XKR4: variants seen among roughly 807,000 people sequenced by gnomAD.
The protein encoded by XKR4 is XK related 4.
XKR4 carries 12 observed loss-of-function variants against 53.9 expected under a neutral mutation model. That is an observed-to-expected ratio of 0.22 (90% CI 0.14 to 0.36). The LOEUF (loss-of-function observed/expected upper bound fraction) is 0.36, where lower values mean the gene tolerates loss of function less well. XKR4 is among the 10% of genes least tolerant of loss of function. The pLI is 1.00. For missense variants in XKR4, 799 were observed against 859.5 expected, an observed-to-expected ratio of 0.93 and a Z score of 0.88; for synonymous variants, 354 against 362.4, an observed-to-expected ratio of 0.98 and a Z score of 0.26.
chr8:55,127,856 T>A lies in XKR4; in HGVS notation c.806+24562T>A, dbSNP rs191604246. ...TTTGGTTTTCTGTCCTTGCGATAGT[T>A]TGCTGAGAATGATGGTTTCCAGTTA... On this transcript the variant is annotated intron_variant, in intron 1 of 2. Transcript: ENST00000327381. 3.3e-5 allele frequency among the ~76,000 whole-genome samples: 5 copies of A among 152,042 alleles called. No homozygotes were observed. In the East Asian group the frequency reaches 9.7e-4, roughly 30 times the overall value.
intron 1 of XKR4, among the ~76,000 whole-genome samples, chr8:55,304,888 A>T (rs1291259653): frequency 6.6e-6 from 1 of 151,880 alleles, no homozygotes; most frequent in African/African-American, 2.4e-5. Flanking sequence ...GCCTATGTGC[A>T]GACACTTTAT....
rs74955010 is a variant in XKR4, at chr8:55,239,642, T to C, written c.807-118036T>C. Among the ~76,000 whole-genome samples, 1,439 of 152,328 alleles carry C rather than the reference T, an allele frequency of 9.4e-3. 17 individuals carry two copies. Among genetic ancestry groups the C allele is most frequent in the Middle Eastern group, 0.031 (9 of 294 alleles). On this transcript the variant is annotated intron_variant, in intron 1 of 2. Coordinates refer to ENST00000327381, the MANE Select transcript of XKR4 (RefSeq NM_052898.2). ...TTCTTCTAATATTCTGCCCTGTAAC[T>C]GTTCTCATGTGAGGTGTTCCCATTC...
chr8:55,134,309 T>C (rs968227179), intron 1 of XKR4, among the ~76,000 whole-genome samples: 2 of 152,240 alleles, frequency 1.3e-5, no homozygotes, highest in Non-Finnish European at 2.9e-5. Context: ...AAAAAATATT[T>C]ATGTGATTAT....
At chr8:55,404,130 T>G (rs1477642860) in intron 2 of XKR4, among the ~76,000 whole-genome samples, 1 of 152,202 alleles carries the variant, frequency 6.6e-6, no homozygotes, top group East Asian at 1.9e-4. Context: ...TGCAGCATCC[T>G]CAGAGTATTC....
chr8:55,535,273 C>T lies in XKR4; in HGVS notation c.*11046C>T, dbSNP rs1040063498. 1.3e-5 allele frequency: 2 copies of T among 150,858 alleles called. No individual in the cohort carries two copies. Among genetic ancestry groups the T allele is most frequent in the Non-Finnish European group, 2.9e-5 (2 of 67,844 alleles). 9.3% of individuals were successfully genotyped at this position (150,858 alleles called of 1,614,324 possible). ...TAAGTTTTAGGGTACATGTGCACAA[C>T]GTGCAGGTTTGTTACATATGTATAC... On this transcript the variant is annotated 3_prime_UTR_variant, in exon 3 of 3. Transcript: ENST00000327381.
rs137960311 is a variant in XKR4 at position 55,535,417 on chromosome 8, C to A, written c.*11190C>A. On this transcript the variant is annotated 3_prime_UTR_variant, in exon 3 of 3. Coordinates refer to ENST00000327381, the MANE Select transcript of XKR4 (RefSeq NM_052898.2). Reference sequence around the variant, plus strand: ...ACACTCCCCGGTGTGTGATGTTCCCCTTCCTGTGCACGTGACTTATTTTCA... The same window carrying A: ...ACACTCCCCGGTGTGTGATGTTCCCATTCCTGTGCACGTGACTTATTTTCA... The A allele has an allele frequency of 7.1e-6, 1 of 141,736 alleles. No homozygotes were observed. The highest frequency in any genetic ancestry group is 2.6e-5 in the African/African-American group (1 of 38,658). The allele number at this position is 141,736 out of a possible 1,614,324, so 8.8% of individuals were successfully genotyped here.
At chr8:55,439,763 G>GA (rs1182319728) in intron 2 of XKR4, among the ~76,000 whole-genome samples, 1 of 152,006 alleles carries the variant, frequency 6.6e-6, no homozygotes, top group African/African-American at 2.4e-5. Context: ...TGTACTTCCA[G>GA]AAAAATAAAA....
rs1270197528 is a variant in XKR4 at position 55,526,683 on chromosome 8, A to G, written c.*2456A>G. On this transcript the variant is annotated 3_prime_UTR_variant, in exon 3 of 3. Transcript: ENST00000327381. ...GTACCTTTGATTCTATGAGTAAATC[A>G]CAGATTACAGTCTAATAGAGTCAAT... is the stretch of plus-strand genomic sequence containing the variant. 6.6e-6 allele frequency: 1 copy of G among 152,240 alleles called. No homozygotes were observed. Among genetic ancestry groups the G allele is most frequent in the African/African-American group, 2.4e-5 (1 of 41,474 alleles). 9.4% of individuals were successfully genotyped at this position (152,240 alleles called of 1,614,324 possible). A position where few individuals can be genotyped will look rare whatever the true frequency, so the allele number is the denominator to read the frequency against.
chr8:55,451,675 A>C, intron 2 of XKR4: 1 of 1,545,120 alleles, frequency 6.5e-7, no homozygotes. Context: ...GGGCACGATC[A>C]GCAGCCCCGG....
intron 1 of XKR4, among the ~76,000 whole-genome samples, chr8:55,344,635 A>G (rs1396281603): frequency 6.6e-6 from 1 of 152,210 alleles, no homozygotes; most frequent in Non-Finnish European, 1.5e-5. Flanking sequence ...GGAGCTCTAC[A>G]GAAGAATAAT....
In XKR4 at chr8:55,529,566, A is replaced by G. The variant is rs1334385366; in HGVS notation, c.*5339A>G. 6.6e-6 allele frequency: 1 copy of G among 152,174 alleles called. No homozygotes were observed. Among genetic ancestry groups the G allele is most frequent in the East Asian group, 1.9e-4 (1 of 5,186 alleles). 9.4% of individuals were successfully genotyped at this position (152,174 alleles called of 1,614,324 possible). A position where few individuals can be genotyped will look rare whatever the true frequency, so the allele number is the denominator to read the frequency against. ...CACTGCCATCTGTGAGTTAAGCATC[A>G]TTTACAGATGACAAAATCTGTAAAT... On this transcript the variant is annotated 3_prime_UTR_variant, in exon 3 of 3. Transcript: ENST00000327381.
At chr8:55,350,363 T>C (rs1803708231) in intron 1 of XKR4, among the ~76,000 whole-genome samples, 1 of 152,164 alleles carries the variant, frequency 6.6e-6, no homozygotes, top group Non-Finnish European at 1.5e-5. Context: ...TAATCTAGAA[T>C]ATTTTCCTGT....
chr8:55,290,574 C>T (rs1819004743), intron 1 of XKR4, among the ~76,000 whole-genome samples: 1 of 152,118 alleles, frequency 6.6e-6, no homozygotes, highest in Non-Finnish European at 1.5e-5. Flanking sequence ...AGTGCTCTCC[C>T]TCCCCCTGCA....
chr8:55,303,801 T>C (rs1157976753), intron 1 of XKR4, among the ~76,000 whole-genome samples: 1 of 152,244 alleles, frequency 6.6e-6, no homozygotes, highest in South Asian at 2.1e-4. Flanking sequence ...GTTTGTAGTA[T>C]TCTCTGATGG....
At chr8:55,285,819 C>A (rs550704193) in intron 1 of XKR4, among the ~76,000 whole-genome samples, 7 of 152,152 alleles carry the variant, frequency 4.6e-5, no homozygotes, top group East Asian at 1.9e-4. Flanking sequence ...TGTTTCTGAA[C>A]GTGTTTATCA....
chr8:55,367,114 A>G (rs1804000239), intron 2 of XKR4, among the ~76,000 whole-genome samples: 1 of 152,138 alleles, frequency 6.6e-6, no homozygotes, highest in Admixed American at 6.5e-5. Flanking sequence ...TCAGCATCAC[A>G]GAAGCCCTGC....
intron 1 of XKR4, among the ~76,000 whole-genome samples, chr8:55,120,202 T>C (rs976870523): frequency 9.2e-5 from 14 of 152,186 alleles, no homozygotes; most frequent in African/African-American, 3.4e-4. Context: ...GGTAACTGAC[T>C]TTGCCATTCA....
intron 2 of XKR4, among the ~76,000 whole-genome samples, chr8:55,508,376 T>C (rs1806577085): frequency 6.6e-6 from 1 of 152,192 alleles, no homozygotes; most frequent in South Asian, 2.1e-4. Flanking sequence ...TTCTGTTCAA[T>C]TCAATACAAC....
At chr8:55,462,125 G>T (rs1202085242) in intron 2 of XKR4, among the ~76,000 whole-genome samples, 2 of 152,144 alleles carry the variant, frequency 1.3e-5, no homozygotes, top group South Asian at 2.1e-4. Flanking sequence ...TACAGAGAAT[G>T]TCACAAAGAT....
Sources: allele counts gnomAD v4.1 joint callset (sites outside exome capture counted in the v4.1 genomes callset), GRCh38; gene constraint gnomAD v4.1.1; transcripts MANE v1.5; gene names NCBI Gene and HGNC (gene_info 2026-07-23, HGNC 2026-07-21).